The following NTRK2 variants were observed in gnomAD, a reference collection of about 807,000 sequenced individuals.
The protein encoded by NTRK2 is BDNF/NT-3 growth factors receptor.
Under a neutral mutation model 94.5 loss-of-function variants are expected in NTRK2, and 13 were observed. The observed-to-expected ratio is 0.14, with a 90% confidence interval of 0.09 to 0.22. NTRK2 has a LOEUF of 0.22. Among genes scored for constraint, NTRK2 ranks in the 10% least tolerant of loss-of-function variants. The pLI, the probability that NTRK2 is intolerant of heterozygous loss-of-function variation, is 1.00. For missense variants in NTRK2, 639 were observed against 1,071.2 expected, an observed-to-expected ratio of 0.60 and a Z score of 5.63; for synonymous variants, 372 against 407.4, an observed-to-expected ratio of 0.91 and a Z score of 1.05.
In NTRK2 at chr9:84,851,479, A is replaced by G. The variant is rs140600162; in HGVS notation, c.1397-9561A>G. Among the ~76,000 whole-genome samples the G allele has an allele frequency of 3.1e-3, 466 of 152,308 alleles. 3 individuals carry two copies. The highest frequency in any genetic ancestry group is 0.011 in the African/African-American group (443 of 41,572). On this transcript the variant is annotated intron_variant, in intron 12 of 18. Transcript: ENST00000277120. ...AGCACCCAGCTTTATAAGTGTGTAT[A>G]ATCCTGTTATGTTCTATTCCATTAT...
At chr9:84,909,183 T>C (rs886451135) in intron 14 of NTRK2, among the ~76,000 whole-genome samples, 2 of 152,172 alleles carry the variant, frequency 1.3e-5, no homozygotes, top group Admixed American at 1.3e-4. Flanking sequence ...ATGTAAACTT[T>C]TGGATTTTTA....
At chr9:84,985,776 T>C (rs1021442296) in intron 17 of NTRK2, among the ~76,000 whole-genome samples, 1 of 152,226 alleles carries the variant, frequency 6.6e-6, no homozygotes, top group Non-Finnish European at 1.5e-5. Context: ...CCAACATTGA[T>C]TAAGGCTCCG....
rs1239517630 is a variant in NTRK2 at position 85,022,905 on chromosome 9, G to A, written c.*1468G>A. 2 of 233,178 alleles carry A rather than the reference G, an allele frequency of 8.6e-6. No individual in the cohort carries two copies. Among genetic ancestry groups the A allele is most frequent in the Non-Finnish European group, 1.7e-5 (2 of 118,078 alleles). 14.4% of individuals were successfully genotyped at this position (233,178 alleles called of 1,614,324 possible). On this transcript the variant is annotated 3_prime_UTR_variant, in exon 19 of 19. Coordinates refer to ENST00000277120, the MANE Select transcript of NTRK2 (RefSeq NM_006180.6). ...CCTAAGGGAAAGGAAACCTCACCCT[G>A]AGGGCATCACATGCACTCATGTTCA...
At chr9:84,960,863 A>C (rs544889984) in intron 17 of NTRK2, among the ~76,000 whole-genome samples, 16 of 152,326 alleles carry the variant, frequency 1.1e-4, no homozygotes, top group Admixed American at 3.3e-4. Flanking sequence ...AAACTGGCAC[A>C]GGGCATGGCG....
intron 16 of NTRK2, among the ~76,000 whole-genome samples, chr9:84,949,258 T>C (rs1490472939): frequency 6.6e-6 from 1 of 152,088 alleles, no homozygotes; most frequent in Non-Finnish European, 1.5e-5. Context: ...GATTGAAGAC[T>C]CCAGATTATG....
At chr9:84,895,869 G>A (rs557899741) in intron 14 of NTRK2, among the ~76,000 whole-genome samples, 29 of 152,308 alleles carry the variant, frequency 1.9e-4, no homozygotes, top group African/African-American at 7.0e-4. Context: ...ATGGTGCTCC[G>A]AGACCTTTAA....
At chr9:84,987,367 G>C (rs1828449531) in intron 17 of NTRK2, among the ~76,000 whole-genome samples, 1 of 152,108 alleles carries the variant, frequency 6.6e-6, no homozygotes, top group Non-Finnish European at 1.5e-5. Flanking sequence ...ATTTTTTTAA[G>C]TTAGGAAAAT....
intron 2 of NTRK2, among the ~76,000 whole-genome samples, chr9:84,677,882 T>A (rs760934859): frequency 6.6e-6 from 1 of 152,208 alleles, no homozygotes; most frequent in Non-Finnish European, 1.5e-5. Context: ...AGATAAATGA[T>A]TTGGTTGCCT....
intron 17 of NTRK2, among the ~76,000 whole-genome samples, chr9:85,012,208 C>T (rs754094266): frequency 3.3e-5 from 5 of 151,816 alleles, no homozygotes; most frequent in African/African-American, 1.2e-4. Flanking sequence ...AGGATGGTCT[C>T]GATCTCTTGA....
chr9:84,723,920 C>A (rs1370950504), intron 7 of NTRK2, among the ~76,000 whole-genome samples: 1 of 152,106 alleles, frequency 6.6e-6, no homozygotes, highest in Non-Finnish European at 1.5e-5. Context: ...CCTAAGAGAG[C>A]GAGGAGTCTC....
chr9:84,934,414 T>C, intron 15 of NTRK2, 122 bp downstream of exon 15: 1 of 1,036,268 alleles, frequency 9.7e-7, no homozygotes, highest in Non-Finnish European at 1.5e-6. Flanking sequence ...ATGATGGATG[T>C]ATTCAAATTC....
chr9:84,928,721 C>T (rs916666278), intron 14 of NTRK2, among the ~76,000 whole-genome samples: 3 of 152,190 alleles, frequency 2.0e-5, no homozygotes, highest in African/African-American at 7.2e-5. Context: ...AAGTTCTTTT[C>T]CTATCACAGT....
chr9:84,775,160 C>A (rs2066910058), intron 12 of NTRK2, among the ~76,000 whole-genome samples: 1 of 152,194 alleles, frequency 6.6e-6, no homozygotes, highest in Non-Finnish European at 1.5e-5. Context: ...TGCAGGTGAC[C>A]AAGCCCTAAC....
At chr9:84,945,272 CA>C (rs1192398333) in intron 15 of NTRK2, among the ~76,000 whole-genome samples, 4 of 152,122 alleles carry the variant, frequency 2.6e-5, no homozygotes, top group Non-Finnish European at 5.9e-5. Context: ...TCTACTTTCA[CA>C]AACTTCGTGT....
At chr9:84,705,526 G>A (rs1366519301) in intron 4 of NTRK2, among the ~76,000 whole-genome samples, 1 of 152,078 alleles carries the variant, frequency 6.6e-6, no homozygotes, top group East Asian at 1.9e-4. Context: ...CGGTGCTGCT[G>A]GCAGCCCCAC....
Position 84,872,366 on chromosome 9 carries a change from G to C in NTRK2, c.1633+4935G>C. ...ATCATCAATCTTGGGTTCTCTTGAA[G>C]GGCAGGAGTGTGTTTTATCTTCTCC... On this transcript the variant is annotated intron_variant, in intron 14 of 18. Transcript: ENST00000277120. The C allele has an allele frequency of 9.1e-6, 10 of 1,095,424 alleles. No homozygotes were observed. The Admixed American group carries it at 1.8e-4, about 20-fold the overall frequency. 67.9% of individuals were successfully genotyped at this position (1,095,424 alleles called of 1,614,324 possible).
rs577087854 is a variant in NTRK2 at position 84,992,668 on chromosome 9, C to T, written c.2173-27538C>T. On this transcript the variant is annotated intron_variant, in intron 17 of 18. Coordinates refer to ENST00000277120, the MANE Select transcript of NTRK2 (RefSeq NM_006180.6). Reference sequence around the variant, plus strand: ...TGCCCAGCCCACTCTGATTTGACTTCTGCCTCATTGCTGCATCAAAGTTAT... The same window carrying T: ...TGCCCAGCCCACTCTGATTTGACTTTTGCCTCATTGCTGCATCAAAGTTAT... Among the ~76,000 whole-genome samples the T allele has an allele frequency of 3.4e-4, 51 of 152,226 alleles. 1 individual carries two copies. In the South Asian group the frequency reaches 0.01, roughly 30 times the overall value.
intron 14 of NTRK2, chr9:84,874,263 G>C (rs2075983379): frequency 9.4e-7 from 1 of 1,065,550 alleles, no homozygotes; most frequent in Non-Finnish European, 1.1e-6. Flanking sequence ...CAGGTGCTTT[G>C]AACAATTGAG....
Position 84,832,150 on chromosome 9 carries a change from C to G in NTRK2, c.1397-28890C>G, listed in dbSNP as rs141014077. ...GTATTCTCTTGTTACCCGTTTCTCT[C>G]CATATAACTGGAAACCTAGTGGCTT... On this transcript the variant is annotated intron_variant, in intron 12 of 18. Coordinates refer to ENST00000277120, the MANE Select transcript of NTRK2 (RefSeq NM_006180.6). Among the ~76,000 whole-genome samples the G allele has an allele frequency of 2.0e-5, 3 of 152,288 alleles. No individual in the cohort carries two copies. In the East Asian group the frequency reaches 5.8e-4, roughly 29 times the overall value.
Sources: allele counts gnomAD v4.1 joint callset (sites outside exome capture counted in the v4.1 genomes callset), GRCh38; gene constraint gnomAD v4.1.1; transcripts MANE v1.5; gene names NCBI Gene and HGNC (gene_info 2026-07-23, HGNC 2026-07-21).